Variants in ERLEC1 observed in about 807,000 individuals in gnomAD.
The protein encoded by ERLEC1 is ER lectin.
Under a neutral mutation model 68.0 loss-of-function variants are expected in ERLEC1, and 47 were observed. The observed-to-expected ratio is 0.69, with a 90% confidence interval of 0.55 to 0.88. The LOEUF (loss-of-function observed/expected upper bound fraction) is 0.88, where lower values mean the gene tolerates loss of function less well. ERLEC1 is among the 40% of genes least tolerant of loss of function. ERLEC1 has a pLI of 0.00. For missense variants in ERLEC1, 567 were observed against 583.8 expected (o/e 0.97, Z 0.30); for synonymous variants, 225 against 203.2 (o/e 1.11, Z -0.91).
At chr2:53,795,112 C>G (rs1452225430) in intron 2 of ERLEC1, among the ~76,000 whole-genome samples, 1 of 152,148 alleles carries the variant, frequency 6.6e-6, no homozygotes, top group Non-Finnish European at 1.5e-5. Flanking sequence ...CATGCTTTCT[C>G]ATTATCTTAG....
intron 2 of ERLEC1, among the ~76,000 whole-genome samples, chr2:53,795,625 G>T (rs533159167): frequency 6.6e-6 from 1 of 152,244 alleles, no homozygotes; most frequent in Admixed American, 6.5e-5. Flanking sequence ...TATAAGAATT[G>T]TTCAGGAAAC....
chr2:53,806,778 C>T (rs971972128), intron 8 of ERLEC1, among the ~76,000 whole-genome samples: 1 of 152,140 alleles, frequency 6.6e-6, no homozygotes, highest in African/African-American at 2.4e-5. Flanking sequence ...ATTGGAAACC[C>T]ATATACTGTC....
Position 53,818,270 on chromosome 2 carries a change from A to C in ERLEC1, c.*301A>C, listed in dbSNP as rs957066706. On this transcript the variant is annotated 3_prime_UTR_variant, in exon 14 of 14. Transcript: ENST00000185150. ...AAGCAAGTTAGAGTCCAGCCTAATC[A>C]AATGTCATAATTGTTGTACCTATTG... The C allele has an allele frequency of 4.6e-6, 1 of 216,558 alleles. No homozygotes were observed. The highest frequency in any genetic ancestry group is 2.3e-5 in the African/African-American group (1 of 44,190). 13.4% of individuals were successfully genotyped at this position (216,558 alleles called of 1,614,324 possible).
Position 53,787,222 on chromosome 2 carries a change from A to AGGC in ERLEC1, c.20_22dup (p.Gly7dup), listed in dbSNP as rs754724674. 6.2e-6 allele frequency: 10 copies of AGGC among 1,601,138 alleles called. No individual in the cohort carries two copies. Among genetic ancestry groups the AGGC allele is most frequent in the Non-Finnish European group, 8.5e-6 (10 of 1,177,268 alleles). On this transcript the variant is annotated inframe_insertion, in exon 1 of 14. Coordinates refer to ENST00000185150, the MANE Select transcript of ERLEC1 (RefSeq NM_015701.5). ...AGCGGCGGCGGAGGATGGAGGAAGGAGGCGGCGGCGTACGGAGTCTGGTCC... is the reference window on the plus strand; with the variant it reads ...AGCGGCGGCGGAGGATGGAGGAAGGAGGCGGCGGCGGCGTACGGAGTCTGGTCC...
intron 1 of ERLEC1, among the ~76,000 whole-genome samples, chr2:53,793,763 T>G (rs1026503013): frequency 2.0e-5 from 3 of 152,138 alleles, no homozygotes; most frequent in Non-Finnish European, 2.9e-5. Flanking sequence ...TTCTTTATAC[T>G]CCAAACATTA....
intron 11 of ERLEC1, among the ~76,000 whole-genome samples, 166 bp from the exon 12 acceptor site, chr2:53,814,377 C>G (rs1010243253): frequency 6.6e-6 from 1 of 152,062 alleles, no homozygotes; most frequent in Non-Finnish European, 1.5e-5. Flanking sequence ...GAGAATGCCT[C>G]TGTGAGATAA....
intron 8 of ERLEC1, among the ~76,000 whole-genome samples, chr2:53,807,386 C>T (rs750258229): frequency 6.7e-6 from 1 of 149,004 alleles, no homozygotes; most frequent in Non-Finnish European, 1.5e-5. Flanking sequence ...CTCTGTGAGT[C>T]TACTGTCCTC....
At chr2:53,813,203 G>C (rs1037504640) in intron 11 of ERLEC1, 130 bp downstream of exon 11, 1 of 1,111,700 alleles carries the variant, frequency 9.0e-7, no homozygotes, top group Admixed American at 2.9e-5. Flanking sequence ...ATATCTTTTA[G>C]GTTAGTTTTC....
intron 9 of ERLEC1, 24 bp from the exon 10 acceptor site, chr2:53,809,190 C>T: frequency 6.4e-7 from 1 of 1,562,976 alleles, no homozygotes; most frequent in Non-Finnish European, 8.6e-7. Flanking sequence ...TTAACTTGAT[C>T]TAATATGTTT....
At chr2:53,795,375 A>G (rs541985935) in intron 2 of ERLEC1, among the ~76,000 whole-genome samples, 1 of 152,376 alleles carries the variant, frequency 6.6e-6, no homozygotes, top group East Asian at 1.9e-4. Flanking sequence ...AAATAGAAAT[A>G]TTAAACTCAG....
At chr2:53,816,024 C>T (rs534016952) in intron 13 of ERLEC1, among the ~76,000 whole-genome samples, 1 of 151,858 alleles carries the variant, frequency 6.6e-6, no homozygotes, top group Non-Finnish European at 1.5e-5. Flanking sequence ...GAGATAGGGT[C>T]TCACCATATT....
At chr2:53,796,212 C>A (rs1002110874) in intron 3 of ERLEC1, among the ~76,000 whole-genome samples, 199 bp downstream of exon 3, 1 of 147,764 alleles carries the variant, frequency 6.8e-6, no homozygotes, top group Non-Finnish European at 1.5e-5. Context: ...ATTATTTAGT[C>A]ACCTAGATAA....
intron 1 of ERLEC1, among the ~76,000 whole-genome samples, chr2:53,792,060 C>T (rs575883330): frequency 6.6e-6 from 1 of 152,078 alleles, no homozygotes; most frequent in Admixed American, 6.5e-5. Context: ...TACAGGCGCC[C>T]GCCACCACGG....
intron 6 of ERLEC1, among the ~76,000 whole-genome samples, chr2:53,799,375 A>G (rs952077984): frequency 7.2e-5 from 11 of 152,276 alleles, no homozygotes; most frequent in African/African-American, 2.4e-4. Flanking sequence ...GGTTCCCTCT[A>G]TATAACACTG....
intron 8 of ERLEC1, among the ~76,000 whole-genome samples, chr2:53,805,234 G>C (rs918213315): frequency 1.3e-5 from 2 of 151,706 alleles, no homozygotes; most frequent in African/African-American, 4.8e-5. Flanking sequence ...TCTTGGGCAA[G>C]CTGGTCTCGA....
At position 53,813,041 on chromosome 2, in the gene ERLEC1, T is replaced by C; in HGVS notation, c.1194T>C (p.Tyr398=). 1.2e-6 allele frequency: 2 copies of C among 1,612,962 alleles called. No individual in the cohort carries two copies. Among genetic ancestry groups the C allele is most frequent in the Non-Finnish European group, 1.7e-6 (2 of 1,179,820 alleles). Residue 398 remains tyrosine (Y), a synonymous_variant, in exon 11 of 14, where the codon TAT becomes TAC. Transcript: ENST00000185150. ...CTAAGAAGAATACTGCTAGAGCTTA[T>C]CATCTTCAAGACGATGGTACCCAGA... ...EWAKKNTARA[Y]HLQDDGTQTV... is the part of the protein sequence containing the mutation.
intron 1 of ERLEC1, among the ~76,000 whole-genome samples, chr2:53,791,883 C>A (rs1012749215): frequency 1.4e-5 from 2 of 147,310 alleles, no homozygotes; most frequent in African/African-American, 5.0e-5. Flanking sequence ...TCTTTGATTC[C>A]CTCATCATCT....
intron 12 of ERLEC1, 53 bp downstream of exon 12, chr2:53,814,673 T>C: frequency 7.5e-7 from 1 of 1,339,072 alleles, no homozygotes; most frequent in South Asian, 1.2e-5. Flanking sequence ...AACTGCTTCC[T>C]ATGGACAAAA....
chr2:53,810,064 T>G (rs1349823522), intron 10 of ERLEC1, among the ~76,000 whole-genome samples: 2 of 151,882 alleles, frequency 1.3e-5, no homozygotes, highest in Non-Finnish European at 2.9e-5. Context: ...AAAGCGAGAC[T>G]CCTCAAAAAA....
Sources: allele counts gnomAD v4.1 joint callset (sites outside exome capture counted in the v4.1 genomes callset), GRCh38; gene constraint gnomAD v4.1.1; transcripts MANE v1.5; gene names NCBI Gene and HGNC (gene_info 2026-07-23, HGNC 2026-07-21).